Variants in RRM2B observed in about 807,000 individuals in gnomAD.
RRM2B encodes ribonucleotide reductase regulatory TP53 inducible subunit M2B.
A neutral mutation model predicts 45.9 loss-of-function variants in RRM2B; 20 were observed. The observed-to-expected ratio is 0.44, with a 90% CI of 0.31 to 0.63. The LOEUF is 0.63. RRM2B is among the 30% of genes least tolerant of loss of function. RRM2B has a pLI of 0.09. For synonymous variants in RRM2B, 124 were observed against 132.3 expected, an observed-to-expected ratio of 0.94 and a Z score of 0.43; for missense variants, 320 against 414.7, an observed-to-expected ratio of 0.77 and a Z score of 1.98.
intron 6 of RRM2B, among the ~76,000 whole-genome samples, chr8:102,217,401 TAA>T (rs1362977201): frequency 1.6e-4 from 24 of 152,128 alleles, no homozygotes; most frequent in Admixed American, 1.4e-3. Flanking sequence ...ACATTTCTAA[TAA>T]AAGTTATTAA....
intron 1 of RRM2B, chr8:102,234,777 A>AAGGC (rs1304436003): frequency 6.5e-6 from 1 of 153,710 alleles, no homozygotes; most frequent in African/African-American, 2.4e-5. Context: ...TTGAACCCAG[A>AAGGC]AGGCAGAGAT....
intron 6 of RRM2B, among the ~76,000 whole-genome samples, chr8:102,217,223 T>A (rs1211037732): frequency 6.6e-6 from 1 of 152,036 alleles, no homozygotes; most frequent in Non-Finnish European, 1.5e-5. Context: ...AAAAAGAACA[T>A]CTCAACTCCT....
Position 102,232,585 on chromosome 8 carries a change from C to CTTTTA in RRM2B, c.49-282_49-281insTAAAA, listed in dbSNP as rs576234911. ...TGATTAAAAGTGCTTTAAACAAAGC[C>CTTTTA]TGGTATATAGTAAGCACTCAAAAAT... On this transcript the variant is annotated intron_variant, in intron 1 of 8. Coordinates refer to ENST00000251810, the MANE Select transcript of RRM2B (RefSeq NM_015713.5). Among the ~76,000 whole-genome samples, 11 of 152,220 alleles carry CTTTTA rather than the reference C, an allele frequency of 7.2e-5. No homozygotes were observed. In the East Asian group the frequency reaches 2.1e-3, roughly 29 times the overall value.
At chr8:102,208,986 C>T (rs1432993094) in intron 8 of RRM2B, among the ~76,000 whole-genome samples, 1 of 152,080 alleles carries the variant, frequency 6.6e-6, no homozygotes, top group Non-Finnish European at 1.5e-5. Flanking sequence ...CCTGTCTCTA[C>T]TAAAAGTACA....
chr8:102,238,643 C>T, intron 1 of RRM2B, 184 bp downstream of exon 1: 12 of 1,534,610 alleles, frequency 7.8e-6, no homozygotes, highest in Non-Finnish European at 9.6e-6. Flanking sequence ...TCAGCTCCTT[C>T]CTCCGCCCTC....
At chr8:102,216,740 TATC>T (rs1810737375) in intron 6 of RRM2B, among the ~76,000 whole-genome samples, 2 of 151,992 alleles carry the variant, frequency 1.3e-5, no homozygotes, top group Admixed American at 1.3e-4. Flanking sequence ...AAATCACTAA[TATC>T]ATTATGAAAA....
chr8:102,216,614 C>T (rs1488185164), intron 6 of RRM2B, among the ~76,000 whole-genome samples: 5 of 151,976 alleles, frequency 3.3e-5, no homozygotes, highest in Admixed American at 2.6e-4. Flanking sequence ...GTATAATAGA[C>T]TACTGAAGAA....
intron 5 of RRM2B, among the ~76,000 whole-genome samples, chr8:102,221,187 G>A (rs1274494920): frequency 6.6e-6 from 1 of 152,106 alleles, no homozygotes. Flanking sequence ...TTGCTCTATA[G>A]GAATTGAATC....
chr8:102,211,473 TG>T (rs1810635241), intron 8 of RRM2B, among the ~76,000 whole-genome samples: 1 of 152,222 alleles, frequency 6.6e-6, no homozygotes, highest in Non-Finnish European at 1.5e-5. Flanking sequence ...GACCTTCTCC[TG>T]CAGGAGGTGG....
intron 6 of RRM2B, among the ~76,000 whole-genome samples, chr8:102,216,673 A>C (rs1192067003): frequency 1.3e-5 from 2 of 152,140 alleles, no homozygotes; most frequent in Non-Finnish European, 2.9e-5. Flanking sequence ...CAAAAATGTT[A>C]ATATTGCACC....
At chr8:102,232,650 A>G (rs573670629) in intron 1 of RRM2B, among the ~76,000 whole-genome samples, 1 of 152,382 alleles carries the variant, frequency 6.6e-6, no homozygotes, top group Admixed American at 6.5e-5. Flanking sequence ...GTACAAAGCT[A>G]GACCCATAAA....
At chr8:102,215,045 T>TAAAAAAAAA (rs3063793) in intron 6 of RRM2B, among the ~76,000 whole-genome samples, 6 of 61,774 alleles carry the variant, frequency 9.7e-5, no homozygotes, top group Admixed American at 2.0e-4. Flanking sequence ...AGCTAAATAT[T>TAAAAAAAAA]AAAAAAAAAA....
At chr8:102,233,040 T>A (rs758700111) in intron 1 of RRM2B, among the ~76,000 whole-genome samples, 11 of 152,106 alleles carry the variant, frequency 7.2e-5, no homozygotes, top group Non-Finnish European at 1.3e-4. Context: ...AGCGGGAACA[T>A]CAGAAGAGAA....
chr8:102,214,764 A>T (rs942013353), intron 6 of RRM2B, among the ~76,000 whole-genome samples: 1 of 150,032 alleles, frequency 6.7e-6, no homozygotes, highest in Non-Finnish European at 1.5e-5. Context: ...AAAAAAAAAT[A>T]AAAAATAAAT....
chr8:102,237,895 C>T (rs1811149358), intron 1 of RRM2B, among the ~76,000 whole-genome samples: 2 of 152,182 alleles, frequency 1.3e-5, no homozygotes, highest in East Asian at 3.8e-4. Flanking sequence ...TAGGGCCAAG[C>T]ATGAATCTCT....
intron 1 of RRM2B, among the ~76,000 whole-genome samples, chr8:102,234,430 C>T (rs1811083155): frequency 6.6e-6 from 1 of 152,046 alleles, no homozygotes; most frequent in Non-Finnish European, 1.5e-5. Flanking sequence ...TGCTTAGAAA[C>T]GTGCACAAAC....
At chr8:102,235,273 T>C (rs989738182) in intron 1 of RRM2B, among the ~76,000 whole-genome samples, 2 of 152,236 alleles carry the variant, frequency 1.3e-5, no homozygotes, top group Admixed American at 1.3e-4. Context: ...GAATGAATTA[T>C]TCTTCCTAAA....
chr8:102,238,064 A>C (rs1419424191), intron 1 of RRM2B, among the ~76,000 whole-genome samples: 1 of 152,244 alleles, frequency 6.6e-6, no homozygotes, highest in Non-Finnish European at 1.5e-5. Context: ...GCAACAGTTT[A>C]AACTACCATA....
At position 102,207,905 on chromosome 8, in the gene RRM2B, C is replaced by T. The variant is rs993323475; in HGVS notation, c.*228G>A. ...ACCCCTCGCCCCATGCTCTTAACCA[C>T]ATAATGCCATCTTTTATTTCAGTGA... On this transcript the variant is annotated 3_prime_UTR_variant, in exon 9 of 9. Transcript: ENST00000251810. 2.1e-6 allele frequency: 1 copy of T among 477,990 alleles called. No homozygotes were observed. Among genetic ancestry groups the T allele is most frequent in the African/African-American group, 2.0e-5 (1 of 51,210 alleles). 29.6% of individuals were successfully genotyped at this position (477,990 alleles called of 1,614,324 possible).
Sources: allele counts gnomAD v4.1 joint callset (sites outside exome capture counted in the v4.1 genomes callset), GRCh38; gene constraint gnomAD v4.1.1; transcripts MANE v1.5; gene names NCBI Gene and HGNC (gene_info 2026-07-23, HGNC 2026-07-21).